The following ADGRL1 variants were observed in gnomAD, a reference collection of about 807,000 sequenced individuals.
The protein encoded by ADGRL1 is CIRL-1.
ADGRL1 carries 31 observed loss-of-function variants against 148.9 expected under a neutral mutation model. The ratio of observed to expected loss-of-function variants is 0.21; its 90% CI spans 0.16 to 0.28. ADGRL1 has a LOEUF of 0.28. Ranked by LOEUF, ADGRL1 falls within the 10% of genes least tolerant of loss-of-function variation. The pLI is 1.00. For missense variants in ADGRL1, 1,521 were observed against 2,058.8 expected (o/e 0.74, Z 5.05); for synonymous variants, 937 against 900.3 (o/e 1.04, Z -0.73).
rs767090733 is a variant in ADGRL1 at position 14,152,253 on chromosome 19, C to T, written c.3649+56G>A. 5 of 1,612,700 alleles carry T rather than the reference C, an allele frequency of 3.1e-6. No individual in the cohort carries two copies. The highest frequency in any genetic ancestry group is 1.7e-5 in the Admixed American group (1 of 59,948). On this transcript the variant is annotated intron_variant, in intron 21 of 22. Coordinates refer to ENST00000361434, the MANE Select transcript of ADGRL1 (RefSeq NM_014921.5). The surrounding 1 kb of genome is among the most constrained non-coding windows in gnomAD (Gnocchi z 6.1). ...GCACAGAACATCCCATGCAGAGGTC[C>T]CTTGGGACACAAACCCTCCATTTCC...
rs530389585 is a variant in ADGRL1 at position 14,160,844 on chromosome 19, C to T, written c.1511-148G>A. ...GAAACACGGAGAAACAGACATGAAGCGGGCTGGACAGTCGAAAGAGGCGCC... is the reference window on the plus strand; with the variant it reads ...GAAACACGGAGAAACAGACATGAAGTGGGCTGGACAGTCGAAAGAGGCGCC... On this transcript the variant is annotated intron_variant, in intron 6 of 22. Transcript: ENST00000361434. This position sits in a 1 kb window ranked among gnomAD's most constrained non-coding sequence, Gnocchi z 5.9. 99 of 673,278 alleles carry T rather than the reference C, an allele frequency of 1.5e-4. 1 individual carries two copies. The highest frequency in any genetic ancestry group is 9.8e-4 in the South Asian group (60 of 61,014). The allele number at this position is 673,278 out of a possible 1,614,324, so 41.7% of individuals were successfully genotyped here.
At chr19:14,203,159 G>C (rs1169371923) in intron 1 of ADGRL1, among the ~76,000 whole-genome samples, 3 of 152,000 alleles carry the variant, frequency 2.0e-5, no homozygotes, top group Non-Finnish European at 4.4e-5. Flanking sequence ...CAGGGTTTCA[G>C]ACCCAGGGAA....
At position 14,160,127 on chromosome 19, in the gene ADGRL1, G is replaced by T; in HGVS notation, c.1785C>A (p.Gly595=). The change falls in exon 8 of 23, where the codon GGC becomes GGA. Residue 595 remains glycine (G), a synonymous_variant. Transcript: ENST00000361434. This position sits in a 1 kb window ranked among gnomAD's most constrained non-coding sequence, Gnocchi z 5.9. The part of the protein sequence containing the change: ...ALRPIERESA[G]KNYNKMHKRE... ...CAGGCCCCACCTTGTTGTAGTTCTT[G>T]CCGGCTGACTCGCGCTCGATGGGCC... 1 of 1,584,404 alleles carries T rather than the reference G, an allele frequency of 6.3e-7. No individual in the cohort carries two copies.
intron 2 of ADGRL1, among the ~76,000 whole-genome samples, chr19:14,179,836 G>A (rs1247930392): frequency 4.6e-5 from 7 of 152,052 alleles, no homozygotes; most frequent in Non-Finnish European, 1.0e-4. Context: ...CTTGAACCCA[G>A]GAGGCGGAGG....
chr19:14,205,435 C>T (rs1972926290), intron 1 of ADGRL1, among the ~76,000 whole-genome samples: 1 of 152,014 alleles, frequency 6.6e-6, no homozygotes, highest in South Asian at 2.1e-4. Flanking sequence ...CCATCCCCCG[C>T]GCCACTGCCT....
At chr19:14,192,685 AG>A in intron 1 of ADGRL1, among the ~76,000 whole-genome samples, 1 of 151,106 alleles carries the variant, frequency 6.6e-6, no homozygotes, top group African/African-American at 2.4e-5. Context: ...TGAGTAGCTG[AG>A]ATTACAGTCA....
In ADGRL1 at chr19:14,161,703, GC is replaced by G. The variant is rs1463233518; in HGVS notation, c.1196-78del. 5 of 1,064,130 alleles carry G rather than the reference GC, an allele frequency of 4.7e-6. No individual in the cohort carries two copies. Among genetic ancestry groups the G allele is most frequent in the Non-Finnish European group, 6.2e-6 (5 of 808,856 alleles). The allele number at this position is 1,064,130 out of a possible 1,614,324, so 65.9% of individuals were successfully genotyped here. On this transcript the variant is annotated intron_variant, in intron 5 of 22. Coordinates refer to ENST00000361434, the MANE Select transcript of ADGRL1 (RefSeq NM_014921.5). This position sits in a 1 kb window ranked among gnomAD's most constrained non-coding sequence, Gnocchi z 4.4. ...AGTGTGCTTGGGCAGGGGGTCCCAG[GC>G]CATCTTAGCATCTTCCTCATCTACT...
At chr19:14,167,086 G>GA (rs978428054) in intron 4 of ADGRL1, 17 of 1,378,338 alleles carry the variant, frequency 1.2e-5, no homozygotes, top group Admixed American at 1.9e-5. Flanking sequence ...AAATGTGCAA[G>GA]AAAAAAAGAG....
At position 14,156,680 on chromosome 19, in the gene ADGRL1, C is replaced by A; in HGVS notation, c.3011G>T (p.Gly1004Val). 1 of 1,611,566 alleles carries A rather than the reference C, an allele frequency of 6.2e-7. No individual in the cohort carries two copies. Among genetic ancestry groups the A allele is most frequent in the East Asian group, 2.2e-5 (1 of 44,798 alleles). The change falls in exon 16 of 23, where the codon GGG becomes GTG. Residue 1004 changes from glycine (G) to valine (V), a missense_variant. By Grantham distance (109) the Gly-to-Val change is moderately radical. Around this residue, in one of 8 missense-constraint regions of ADGRL1, gnomAD observed 185 missense variants for 251.7 expected, o/e 0.74. Coordinates refer to ENST00000361434, the MANE Select transcript of ADGRL1 (RefSeq NM_014921.5). ...VDNYFIWSFI[G>V]PVSFVIVVNL... ...CACCACGATAACGAAGGAGACTGGC[C>A]CGATGAAACTCCAGATGAAGTAATT... is the stretch of plus-strand genomic sequence containing the variant.
At position 14,160,533 on chromosome 19, in the gene ADGRL1, TG is replaced by T; in HGVS notation, c.1614+59del. The T allele has an allele frequency of 8.0e-7, 1 of 1,256,052 alleles. No homozygotes were observed. The allele number at this position is 1,256,052 out of a possible 1,614,324, so 77.8% of individuals were successfully genotyped here. On this transcript the variant is annotated intron_variant, in intron 7 of 22. Coordinates refer to ENST00000361434, the MANE Select transcript of ADGRL1 (RefSeq NM_014921.5). The surrounding 1 kb of genome is among the most constrained non-coding windows in gnomAD (Gnocchi z 5.9). ...TCCCCAGCTGCTCCACGACCCCCGC[TG>T]GGCCCTGGGCCCTGGGCCCGAGCAC...
chr19:14,192,449 C>T (rs1972004339), intron 1 of ADGRL1, among the ~76,000 whole-genome samples: 1 of 152,010 alleles, frequency 6.6e-6, no homozygotes, highest in African/African-American at 2.4e-5. Context: ...CCATGTTGGT[C>T]AGGCTGGTCT....
In ADGRL1 at chr19:14,162,480, T is replaced by C. The variant is rs1969494469; in HGVS notation, c.1195+126A>G. ...AACAGCGTCTGTCACATGCTGTGAA[T>C]TTCCTTTACCTCCCGATCCCCAAGA... On this transcript the variant is annotated intron_variant, in intron 5 of 22. Coordinates refer to ENST00000361434, the MANE Select transcript of ADGRL1 (RefSeq NM_014921.5). The surrounding 1 kb of genome is among the most constrained non-coding windows in gnomAD (Gnocchi z 5.4). 1.3e-6 allele frequency: 1 copy of C among 784,152 alleles called. No homozygotes were observed. Among genetic ancestry groups the C allele is most frequent in the African/African-American group, 1.7e-5 (1 of 58,232 alleles). The allele number at this position is 784,152 out of a possible 1,614,324, so 48.6% of individuals were successfully genotyped here.
At chr19:14,165,004 C>T (rs139978875) in intron 4 of ADGRL1, among the ~76,000 whole-genome samples, 251 of 152,256 alleles carry the variant, frequency 1.6e-3, no homozygotes, top group African/African-American at 5.7e-3. Context: ...CAGCTGGCCC[C>T]GAGGGGATCG....
intron 1 of ADGRL1, among the ~76,000 whole-genome samples, chr19:14,187,557 C>A (rs1237752892): frequency 1.4e-5 from 2 of 147,368 alleles, no homozygotes; most frequent in African/African-American, 5.0e-5. Context: ...GCCCCAGCTT[C>A]TTCAGTAAAT....
chr19:14,179,426 A>G (rs12971418), intron 2 of ADGRL1, among the ~76,000 whole-genome samples: 32,585 of 151,426 alleles, frequency 0.22, 4,558 homozygotes, highest in African/African-American at 0.4. Context: ...CCCAGGAGGC[A>G]GGGCTTGCAG....
intron 4 of ADGRL1, among the ~76,000 whole-genome samples, chr19:14,164,445 G>A (rs527782340): frequency 2.0e-5 from 3 of 152,244 alleles, no homozygotes; most frequent in Admixed American, 6.5e-5. Context: ...TGCTGGCGGA[G>A]GAGAGAGGGG....
chr19:14,157,593 C>T lies in ADGRL1; in HGVS notation c.2536-133G>A, dbSNP rs780785658. The T allele has an allele frequency of 1.1e-6, 1 of 871,538 alleles. No individual in the cohort carries two copies. Among genetic ancestry groups the T allele is most frequent in the Non-Finnish European group, 1.8e-6 (1 of 556,916 alleles). The allele number at this position is 871,538 out of a possible 1,614,324, so 54.0% of individuals were successfully genotyped here. A position where few individuals can be genotyped will look rare whatever the true frequency, so the allele number is the denominator to read the frequency against. On this transcript the variant is annotated intron_variant, in intron 13 of 22. Coordinates refer to ENST00000361434, the MANE Select transcript of ADGRL1 (RefSeq NM_014921.5). This position sits in a 1 kb window ranked among gnomAD's most constrained non-coding sequence, Gnocchi z 7.5. Reference sequence around the variant, plus strand: ...ACCTCTGGTGCCGCCAACCTGGCAGCCCTCACCCCTCTGCACGCAGCAATG... The same window carrying T: ...ACCTCTGGTGCCGCCAACCTGGCAGTCCTCACCCCTCTGCACGCAGCAATG...
chr19:14,178,366 G>A (rs186713345), intron 2 of ADGRL1, among the ~76,000 whole-genome samples: 5 of 152,180 alleles, frequency 3.3e-5, no homozygotes, highest in South Asian at 2.1e-4. Context: ...TTAGCCAGAC[G>A]TGGTGGCACA....
chr19:14,177,821 C>G, intron 2 of ADGRL1, 77 bp from the exon 3 acceptor site: 1 of 1,340,942 alleles, frequency 7.5e-7, no homozygotes, highest in Non-Finnish European at 1.0e-6. Context: ...GCCAAGAAAA[C>G]ACCACCTCTG....
Sources: gnomAD v4.1 joint callset for allele counts (sites outside exome capture counted in the v4.1 genomes callset) on GRCh38, gnomAD v4.1.1 for gene constraint, gnomAD v4.1.1 regional missense constraint, Gnocchi (gnomAD v3.1) non-coding constraint, MANE v1.5 for transcripts, NCBI Gene and HGNC (gene_info 2026-07-23, HGNC 2026-07-21) for gene names.